Variants in TRAF3 observed in about 807,000 individuals in gnomAD.
TRAF3 encodes the protein TNF receptor associated factor 3, also known as TNF receptor-associated factor 3.
Under a neutral mutation model 62.3 loss-of-function variants are expected in TRAF3, and 13 were observed. That is an observed-to-expected ratio of 0.21 (90% confidence interval 0.14 to 0.33). TRAF3 has a LOEUF of 0.33. Ranked by LOEUF, TRAF3 falls within the 10% of genes least tolerant of loss-of-function variation. The probability of loss-of-function intolerance (pLI) is 1.00; values close to 1 mark genes in which losing one functional copy is unlikely to be tolerated. For missense variants in TRAF3, 440 were observed against 741.8 expected (o/e 0.59, Z 4.73); for synonymous variants, 269 against 283.4 (o/e 0.95, Z 0.51).
Position 102,906,521 on chromosome 14 carries a change from CTGT to C in TRAF3, c.*742_*744del, listed in dbSNP as rs780898329. 3.2e-4 allele frequency: 48 copies of C among 152,218 alleles called. No individual in the cohort carries two copies. Among genetic ancestry groups the C allele is most frequent in the Non-Finnish European group, 5.9e-4 (40 of 68,034 alleles). The allele number at this position is 152,218 out of a possible 1,614,324, so 9.4% of individuals were successfully genotyped here. ...TGTGATAGGAAAGAGAATATTCAAC[CTGT>C]TGTTATTTCTCGTTAGAAATGTAAA... is the stretch of plus-strand genomic sequence containing the variant. On this transcript the variant is annotated 3_prime_UTR_variant, in exon 12 of 12. Transcript: ENST00000392745.
At chr14:102,870,655 C>G (rs1396274017) in intron 3 of TRAF3, among the ~76,000 whole-genome samples, 1 of 152,186 alleles carries the variant, frequency 6.6e-6, no homozygotes, top group Non-Finnish European at 1.5e-5. Context: ...TGTCTCTGAC[C>G]TGCCCCGCCC....
chr14:102,886,131 G>A (rs1330589989), intron 6 of TRAF3, 58 bp from the exon 7 acceptor site: 12 of 1,581,072 alleles, frequency 7.6e-6, no homozygotes, highest in South Asian at 3.4e-5. Flanking sequence ...GGATCTCAGC[G>A]GGACTGAAGG....
chr14:102,823,784 A>G (rs1013864230), intron 1 of TRAF3, among the ~76,000 whole-genome samples: 12 of 152,184 alleles, frequency 7.9e-5, no homozygotes, highest in South Asian at 4.1e-4. Context: ...TAAAGTGTCC[A>G]TGTCTGTGGT....
intron 1 of TRAF3, among the ~76,000 whole-genome samples, chr14:102,819,736 G>A (rs139768161): frequency 1.4e-3 from 218 of 152,290 alleles, no homozygotes; most frequent in African/African-American, 5.0e-3. Context: ...TGAAAGTACC[G>A]TATAGTATAG....
chr14:102,871,957 G>A lies in TRAF3; in HGVS notation c.286G>A (p.Val96Ile), dbSNP rs988863982. Residue 96 changes from valine to isoleucine, a missense_variant, in exon 4 of 12, where the codon GTT (valine) becomes ATT (isoleucine). Val to Ile is a conservative substitution (Grantham distance 29). Transcript: ENST00000392745. ...ATGTACAGCGTGTCAAGAGAGCATC[G>A]TTAAAGATAAGGTATTCTGGGGTTT... Reference protein sequence around the residue: ...PKCTACQESIVKDKVFKDNCC... With the variant: ...PKCTACQESIIKDKVFKDNCC... The A allele has an allele frequency of 1.9e-5, 31 of 1,614,072 alleles. No individual in the cohort carries two copies. The highest frequency in any genetic ancestry group is 2.4e-5 in the Non-Finnish European group (28 of 1,180,028).
intron 6 of TRAF3, among the ~76,000 whole-genome samples, chr14:102,877,679 T>C (rs1020796126): frequency 2.0e-5 from 3 of 150,604 alleles, no homozygotes; most frequent in African/African-American, 7.4e-5. Context: ...TCATAGATAA[T>C]CTGTTCCACA....
chr14:102,826,718 C>T lies in TRAF3; in HGVS notation c.-156-3616C>T, dbSNP rs530420857. On this transcript the variant is annotated intron_variant, in intron 1 of 11. Coordinates refer to ENST00000392745, the MANE Select transcript of TRAF3 (RefSeq NM_145725.3). The surrounding 1 kb of genome is among the most constrained non-coding windows in gnomAD (Gnocchi z 4.6). ...ATTCGTGCAGTCCTTCACCTCACAC[C>T]TGTTCAGGGTCCGGCTGGGCTCTGG... 1.7e-3 allele frequency among the ~76,000 whole-genome samples: 260 copies of T among 152,270 alleles called. No homozygotes were observed. Among genetic ancestry groups the T allele is most frequent in the African/African-American group, 6.2e-3 (259 of 41,542 alleles).
At position 102,908,399 on chromosome 14, in the gene TRAF3, T is replaced by C. The variant is rs1466492474; in HGVS notation, c.*2615T>C. ...TATCGGGGTCTCTGTTCTGAGTGTG[T>C]CTTCCTCTCATGTACTCAACACAGT... On this transcript the variant is annotated 3_prime_UTR_variant, in exon 12 of 12. Coordinates refer to ENST00000392745, the MANE Select transcript of TRAF3 (RefSeq NM_145725.3). The C allele has an allele frequency of 1.3e-5, 2 of 152,436 alleles. No homozygotes were observed. The highest frequency in any genetic ancestry group is 2.9e-5 in the Non-Finnish European group (2 of 68,182). 9.4% of individuals were successfully genotyped at this position (152,436 alleles called of 1,614,324 possible). A position where few individuals can be genotyped will look rare whatever the true frequency, so the allele number is the denominator to read the frequency against.
chr14:102,784,974 T>C (rs1408318274), intron 1 of TRAF3, among the ~76,000 whole-genome samples: 1 of 152,144 alleles, frequency 6.6e-6, no homozygotes, highest in Non-Finnish European at 1.5e-5. Flanking sequence ...GTGCTGCCTT[T>C]GTGACAGCCT....
rs200110273 is a variant in TRAF3, at chr14:102,862,436, A to AT, written c.-17-7742dup. Among the ~76,000 whole-genome samples the AT allele has an allele frequency of 5.4e-3, 807 of 150,544 alleles. 7 individuals are homozygous for AT. The highest frequency in any genetic ancestry group is 9.7e-3 in the Admixed American group (146 of 15,084). On this transcript the variant is annotated intron_variant, in intron 2 of 11. Transcript: ENST00000392745. ...AAAAAAAAAAATTATTGGTTGACAG[A>AT]TTTTTTTCTTTCAGCCCTTTAATTT...
At chr14:102,882,570 T>G (rs930974754) in intron 6 of TRAF3, among the ~76,000 whole-genome samples, 6 of 150,828 alleles carry the variant, frequency 4.0e-5, no homozygotes, top group Non-Finnish European at 8.8e-5. Flanking sequence ...GTATTTTGTT[T>G]TTTTTTTTTT....
chr14:102,778,057 G>T (rs1181702276), intron 1 of TRAF3, among the ~76,000 whole-genome samples: 1 of 150,590 alleles, frequency 6.6e-6, no homozygotes, highest in Non-Finnish European at 1.5e-5. Flanking sequence ...TTTCACGCGG[G>T]GGGACGGGCG....
rs1316918072 is a variant in TRAF3 at position 102,903,571 on chromosome 14, G to A, written c.1135+142G>A. The A allele has an allele frequency of 1.6e-6, 2 of 1,233,116 alleles. No homozygotes were observed. Among genetic ancestry groups the A allele is most frequent in the East Asian group, 5.1e-5 (2 of 39,544 alleles). The allele number at this position is 1,233,116 out of a possible 1,614,324, so 76.4% of individuals were successfully genotyped here. On this transcript the variant is annotated intron_variant, in intron 11 of 11. Coordinates refer to ENST00000392745, the MANE Select transcript of TRAF3 (RefSeq NM_145725.3). This position sits in a 1 kb window ranked among gnomAD's most constrained non-coding sequence, Gnocchi z 6.4. ...CTAATTATGGGTAACACGCAGAGGT[G>A]TGATGACTTTCCTACTGAAAGTCCC... is the stretch of plus-strand genomic sequence containing the variant.
intron 6 of TRAF3, among the ~76,000 whole-genome samples, chr14:102,877,937 C>T (rs560034376): frequency 6.6e-6 from 1 of 152,250 alleles, no homozygotes; most frequent in African/African-American, 2.4e-5. Context: ...ACTTCTTCCA[C>T]TGTACAGCTT....
rs1217316559 is a variant in TRAF3, at chr14:102,886,245, C to T, written c.627C>T (p.Ser209=). 2.2e-5 allele frequency: 35 copies of T among 1,612,086 alleles called. No homozygotes were observed. The highest frequency in any genetic ancestry group is 1.0e-4 in the Admixed American group (6 of 59,980). Residue 209 remains serine, a synonymous_variant, in exon 7 of 12, where the codon AGC becomes AGT. Coordinates refer to ENST00000392745, the MANE Select transcript of TRAF3 (RefSeq NM_145725.3). ...CVVVSCPHKC[S]VQTLLRSELS... is the part of the protein sequence containing the mutation. ...TGGTGTCCTGCCCTCACAAGTGCAGCGTCCAGACTCTCCTGAGGAGCGAGG... is the reference window on the plus strand; with the variant it reads ...TGGTGTCCTGCCCTCACAAGTGCAGTGTCCAGACTCTCCTGAGGAGCGAGG...
At chr14:102,780,844 T>A (rs1897245383) in intron 1 of TRAF3, among the ~76,000 whole-genome samples, 1 of 152,158 alleles carries the variant, frequency 6.6e-6, no homozygotes. Context: ...TCTTGGCCCC[T>A]GTGCACAGTG....
At chr14:102,814,738 G>T (rs1191420348) in intron 1 of TRAF3, among the ~76,000 whole-genome samples, 1 of 152,080 alleles carries the variant, frequency 6.6e-6, no homozygotes, top group Non-Finnish European at 1.5e-5. Flanking sequence ...GCCCAGGCTG[G>T]TCTCGAGCTC....
chr14:102,828,900 A>G (rs995269777), intron 1 of TRAF3, among the ~76,000 whole-genome samples: 1 of 152,236 alleles, frequency 6.6e-6, no homozygotes, highest in Non-Finnish European at 1.5e-5. Context: ...TTAAGCAATG[A>G]CAGTTACATT....
At chr14:102,845,020 C>T (rs1378450870) in intron 2 of TRAF3, among the ~76,000 whole-genome samples, 1 of 151,728 alleles carries the variant, frequency 6.6e-6, no homozygotes. Flanking sequence ...GCCTCAGCCT[C>T]CTGAGTAGCT....
Sources: allele counts gnomAD v4.1 joint callset (sites outside exome capture counted in the v4.1 genomes callset), GRCh38; gene constraint gnomAD v4.1.1; non-coding constraint Gnocchi (gnomAD v3.1); transcripts MANE v1.5; gene names NCBI Gene and HGNC (gene_info 2026-07-23, HGNC 2026-07-21).